Variants in NEGR1 observed in about 807,000 individuals in gnomAD.
The protein encoded by NEGR1 is neuronal growth regulator 1.
In NEGR1, 10 loss-of-function variants were observed where a neutral mutation model predicts 40.9. The ratio of observed to expected loss-of-function variants is 0.24; its 90% CI spans 0.15 to 0.42. The LOEUF (loss-of-function observed/expected upper bound fraction) is 0.42, where lower values mean the gene tolerates loss of function less well. Among genes scored for constraint, NEGR1 ranks in the 10% least tolerant of loss-of-function variants. The pLI is 1.00. For synonymous variants in NEGR1, 185 were observed against 166.8 expected (o/e 1.11, Z -0.84); for missense variants, 352 against 438.9 (o/e 0.80, Z 1.77).
intron 2 of NEGR1, among the ~76,000 whole-genome samples, chr1:71,905,758 T>C (rs572854391): frequency 5.3e-5 from 8 of 151,680 alleles, no homozygotes; most frequent in Non-Finnish European, 1.0e-4. Flanking sequence ...GAAATGAAGG[T>C]ACATGTGTTA....
chr1:71,630,182 A>G (rs1650925808), intron 4 of NEGR1, among the ~76,000 whole-genome samples: 1 of 151,968 alleles, frequency 6.6e-6, no homozygotes, highest in Admixed American at 6.6e-5. Context: ...TGAATCCAAA[A>G]TGTATTTAGG....
At chr1:71,455,801 C>G (rs1245416045) in intron 6 of NEGR1, among the ~76,000 whole-genome samples, 1 of 152,142 alleles carries the variant, frequency 6.6e-6, no homozygotes, top group Non-Finnish European at 1.5e-5. Flanking sequence ...AGTTAAAATT[C>G]TTAATTTATG....
At chr1:72,043,442 C>T (rs1295521434) in intron 1 of NEGR1, among the ~76,000 whole-genome samples, 3 of 151,598 alleles carry the variant, frequency 2.0e-5, no homozygotes, top group Non-Finnish European at 4.4e-5. Context: ...TTTGAAGATA[C>T]AGTTGAGGTA....
At chr1:72,236,629 T>C (rs1009284557) in intron 1 of NEGR1, among the ~76,000 whole-genome samples, 1 of 151,940 alleles carries the variant, frequency 6.6e-6, no homozygotes, top group Admixed American at 6.6e-5. Context: ...CTATTTCTTA[T>C]TGTAAAGGTA....
intron 1 of NEGR1, among the ~76,000 whole-genome samples, chr1:72,142,564 T>C (rs899268851): frequency 1.3e-5 from 2 of 150,408 alleles, no homozygotes; most frequent in African/African-American, 2.5e-5. Flanking sequence ...GATAGATAGA[T>C]AGACAGATAG....
rs548351899 is a variant in NEGR1, at chr1:72,032,715, A to G, written c.177-97404T>C. 3.9e-5 allele frequency among the ~76,000 whole-genome samples: 6 copies of G among 152,304 alleles called. No homozygotes were observed. In the East Asian group the frequency reaches 1.2e-3, roughly 29 times the overall value. ...TAAAAAATCATCTTGCTTCTCTAAC[A>G]TACATCTTCATCAAATACATTTTAG... On this transcript the variant is annotated intron_variant, in intron 1 of 6. Transcript: ENST00000357731.
intron 1 of NEGR1, among the ~76,000 whole-genome samples, chr1:71,976,471 T>C (rs573304620): frequency 6.6e-6 from 1 of 152,248 alleles, no homozygotes; most frequent in Non-Finnish European, 1.5e-5. Context: ...TGGATTCAGA[T>C]GCAGGGTTTC....
At chr1:71,690,563 A>G (rs1372787648) in intron 4 of NEGR1, among the ~76,000 whole-genome samples, 16 of 118,686 alleles carry the variant, frequency 1.3e-4, no homozygotes, top group Admixed American at 1.3e-3. Context: ...TATAAGTTAT[A>G]TAACACACAC....
intron 6 of NEGR1, among the ~76,000 whole-genome samples, chr1:71,524,283 A>G (rs1237323006): frequency 2.0e-5 from 3 of 150,448 alleles, no homozygotes; most frequent in Non-Finnish European, 3.0e-5. Context: ...TATATTTTAC[A>G]TTAAGATCTT....
chr1:72,121,915 T>C (rs1649819735), intron 1 of NEGR1, among the ~76,000 whole-genome samples: 1 of 151,864 alleles, frequency 6.6e-6, no homozygotes, highest in Non-Finnish European at 1.5e-5. Flanking sequence ...TTTAGCTCCT[T>C]TTGTGGGGCA....
chr1:71,477,334 T>G (rs1646827858), intron 6 of NEGR1: 1 of 152,216 alleles, frequency 6.6e-6, no homozygotes, highest in African/African-American at 2.4e-5. Context: ...CAGGGTTTTT[T>G]TTGATAACTA....
At chr1:71,999,637 A>C (rs1417683318) in intron 1 of NEGR1, among the ~76,000 whole-genome samples, 6 of 25,804 alleles carry the variant, frequency 2.3e-4, no homozygotes, top group African/African-American at 7.0e-4. Context: ...AAGCAAATAT[A>C]TATATATATA....
At chr1:71,701,974 T>C (rs1653712534) in intron 3 of NEGR1, among the ~76,000 whole-genome samples, 1 of 152,090 alleles carries the variant, frequency 6.6e-6, no homozygotes, top group South Asian at 2.1e-4. Flanking sequence ...TAATGGAGTT[T>C]ATGGAGCAAT....
intron 6 of NEGR1, among the ~76,000 whole-genome samples, chr1:71,469,955 CAT>C (rs1268860599): frequency 2.6e-5 from 4 of 152,060 alleles, no homozygotes; most frequent in Non-Finnish European, 4.4e-5. Context: ...AATATGGACA[CAT>C]GTAATTTTAT....
At chr1:71,990,307 A>G (rs930264013) in intron 1 of NEGR1, among the ~76,000 whole-genome samples, 15 of 152,172 alleles carry the variant, frequency 9.9e-5, no homozygotes, top group African/African-American at 3.6e-4. Context: ...GAATTCTTCA[A>G]TAACATTATT....
At chr1:71,542,162 T>C (rs1445028561) in intron 6 of NEGR1, among the ~76,000 whole-genome samples, 1 of 151,636 alleles carries the variant, frequency 6.6e-6, no homozygotes, top group Non-Finnish European at 1.5e-5. Context: ...GATAACACTA[T>C]GGTAGGAACT....
At chr1:72,108,323 C>A (rs1256810599) in intron 1 of NEGR1, among the ~76,000 whole-genome samples, 2 of 151,548 alleles carry the variant, frequency 1.3e-5, no homozygotes, top group Non-Finnish European at 3.0e-5. Flanking sequence ...CCATTAGAGT[C>A]ATCTTCCATA....
intron 6 of NEGR1, among the ~76,000 whole-genome samples, chr1:71,583,536 T>G (rs1231815366): frequency 6.6e-6 from 1 of 152,228 alleles, no homozygotes; most frequent in Non-Finnish European, 1.5e-5. Context: ...CATCTATCAC[T>G]TATGCAAGTC....
chr1:71,469,558 G>GA, intron 6 of NEGR1, among the ~76,000 whole-genome samples: 1 of 151,932 alleles, frequency 6.6e-6, no homozygotes, highest in East Asian at 1.9e-4. Context: ...TTATCTTGGG[G>GA]AAAAAGCCCT....
Sources: allele counts gnomAD v4.1 joint callset (sites outside exome capture counted in the v4.1 genomes callset), GRCh38; gene constraint gnomAD v4.1.1; transcripts MANE v1.5; gene names NCBI Gene and HGNC (gene_info 2026-07-23, HGNC 2026-07-21).